ULK4: variants seen among roughly 807,000 people sequenced by gnomAD.
The protein encoded by ULK4 is unc-51 like kinase 4.
In ULK4, 133 loss-of-function variants were observed where a neutral mutation model predicts 160.6. The ratio of observed to expected loss-of-function variants is 0.83; its 90% CI spans 0.72 to 0.96. The LOEUF (loss-of-function observed/expected upper bound fraction) is 0.96. Ranked by LOEUF, ULK4 falls within the 40% of genes least tolerant of loss-of-function variation. The pLI is 0.00. For missense variants in ULK4, 1,580 were observed against 1,499.5 expected (o/e 1.05, Z -0.89); for synonymous variants, 534 against 539.8 (o/e 0.99, Z 0.15).
In ULK4 at chr3:41,264,190, C is replaced by T. The variant is rs146078221; in HGVS notation, c.3679-14616G>A. ...AGGCCTGAAGTGGGAACAGGTGAGG[C>T]AGAGATTTTTTAAAGGTTGCAGAAG... On this transcript the variant is annotated intron_variant, in intron 35 of 36. Transcript: ENST00000301831. Among the ~76,000 whole-genome samples the T allele has an allele frequency of 8.6e-4, 131 of 152,280 alleles. 1 individual carries two copies. The highest frequency in any genetic ancestry group is 3.1e-3 in the African/African-American group (127 of 41,554).
intron 20 of ULK4, among the ~76,000 whole-genome samples, chr3:41,798,747 T>C (rs2040372078): frequency 6.6e-6 from 1 of 151,236 alleles, no homozygotes; most frequent in African/African-American, 2.4e-5. Context: ...TTGTGCGTGT[T>C]GTTGAGGGGG....
chr3:41,256,373 G>A (rs1213342266), intron 35 of ULK4, among the ~76,000 whole-genome samples: 3 of 152,174 alleles, frequency 2.0e-5, no homozygotes, highest in Non-Finnish European at 2.9e-5. Context: ...TGACAATGTG[G>A]TACTGGCAGA....
intron 32 of ULK4, among the ~76,000 whole-genome samples, chr3:41,549,231 A>G (rs2086977395): frequency 6.6e-6 from 1 of 152,206 alleles, no homozygotes; most frequent in African/African-American, 2.4e-5. Context: ...GTGAAAAAGA[A>G]TTGAAACTAA....
At chr3:41,552,725 C>A (rs1490214813) in intron 32 of ULK4, among the ~76,000 whole-genome samples, 12 of 121,318 alleles carry the variant, frequency 9.9e-5, no homozygotes, top group Admixed American at 8.8e-4. Flanking sequence ...CTATTTTTTA[C>A]AGAAATAGAA....
rs562788929 is a variant in ULK4, at chr3:41,932,959, G to T, written c.379-953C>A. ...CTCAGGAGGCTGAGGCACGAGAATC[G>T]CTTGAACCTGGGAGGCAGAGGTTGC... On this transcript the variant is annotated intron_variant, in intron 4 of 36. Transcript: ENST00000301831. Among the ~76,000 whole-genome samples the T allele has an allele frequency of 5.9e-5, 9 of 152,280 alleles. No homozygotes were observed. The East Asian group carries it at 1.7e-3, about 29-fold the overall frequency.
Position 41,387,445 on chromosome 3 carries a change from C to T in ULK4, c.3678+10634G>A, listed in dbSNP as rs138728711. Among the ~76,000 whole-genome samples the T allele has an allele frequency of 6.7e-3, 1,014 of 151,970 alleles. 4 individuals are homozygous for T. Among genetic ancestry groups the T allele is most frequent in the East Asian group, 0.015 (78 of 5,162 alleles). On this transcript the variant is annotated intron_variant, in intron 35 of 36. Transcript: ENST00000301831. Reference sequence around the variant, plus strand: ...TGTGCAGGATAGTTACATATGTATACATGTGCCATGTTGGTGTGCTGCACC... The same window carrying T: ...TGTGCAGGATAGTTACATATGTATATATGTGCCATGTTGGTGTGCTGCACC...
At chr3:41,757,916 C>A (rs1414470532) in intron 21 of ULK4, among the ~76,000 whole-genome samples, 2 of 152,076 alleles carry the variant, frequency 1.3e-5, no homozygotes, top group African/African-American at 4.8e-5. Context: ...CGTGAGCCAC[C>A]ATGCCTGGCC....
chr3:41,719,112 C>T (rs986165242), intron 22 of ULK4, among the ~76,000 whole-genome samples: 1 of 152,202 alleles, frequency 6.6e-6, no homozygotes, highest in African/African-American at 2.4e-5. Context: ...CAACAGCATT[C>T]AATACTGTTG....
chr3:41,373,501 T>C (rs1457179074), intron 35 of ULK4, among the ~76,000 whole-genome samples: 4 of 152,138 alleles, frequency 2.6e-5, no homozygotes, highest in African/African-American at 9.7e-5. Context: ...ACGGCACAAC[T>C]ACGTGGAAGC....
At chr3:41,390,528 A>G (rs2081934014) in intron 35 of ULK4, among the ~76,000 whole-genome samples, 2 of 151,494 alleles carry the variant, frequency 1.3e-5, no homozygotes, top group African/African-American at 4.9e-5. Context: ...CCCTCTACAC[A>G]CTGCTTTGAA....
chr3:41,804,500 G>C (rs2040574809), intron 19 of ULK4, among the ~76,000 whole-genome samples: 1 of 150,688 alleles, frequency 6.6e-6, no homozygotes. Context: ...GATCCCATTT[G>C]TCAATTTTGT....
intron 22 of ULK4, among the ~76,000 whole-genome samples, chr3:41,724,266 C>G (rs1348999557): frequency 2.0e-5 from 3 of 152,180 alleles, no homozygotes; most frequent in Non-Finnish European, 4.4e-5. Context: ...CTAAGCATAA[C>G]TTATGCTGGA....
At chr3:41,250,433 G>T (rs1208016603) in intron 35 of ULK4, among the ~76,000 whole-genome samples, 1 of 152,170 alleles carries the variant, frequency 6.6e-6, no homozygotes, top group Non-Finnish European at 1.5e-5. Flanking sequence ...CTTCTCAACA[G>T]CCTACCTTAC....
At chr3:41,537,156 C>T (rs549098853) in intron 32 of ULK4, among the ~76,000 whole-genome samples, 64 of 151,740 alleles carry the variant, frequency 4.2e-4, no homozygotes, top group Admixed American at 1.6e-3. Context: ...CTGAATCTGT[C>T]CACGATTCGT....
chr3:41,552,871 A>T (rs1293658409), intron 32 of ULK4, among the ~76,000 whole-genome samples: 3 of 152,096 alleles, frequency 2.0e-5, no homozygotes. Context: ...AGGCTATGTA[A>T]CCAAAACAAC....
intron 31 of ULK4, among the ~76,000 whole-genome samples, chr3:41,589,306 G>T (rs979993146): frequency 6.6e-6 from 1 of 151,804 alleles, no homozygotes; most frequent in Non-Finnish European, 1.5e-5. Flanking sequence ...GTTTGAGGTG[G>T]TAGAATTCCA....
At chr3:41,432,120 T>C (rs979713062) in intron 34 of ULK4, among the ~76,000 whole-genome samples, 1 of 152,164 alleles carries the variant, frequency 6.6e-6, no homozygotes, top group Non-Finnish European at 1.5e-5. Context: ...TGATTATCCC[T>C]GTTGAAAACA....
In ULK4 at chr3:41,256,372, G is replaced by A. The variant is rs150033353; in HGVS notation, c.3679-6798C>T. ...ATGATTCCAGCAACCATGACAATGT[G>A]GTACTGGCAGAAGGTCAGACACACA... is the stretch of plus-strand genomic sequence containing the variant. On this transcript the variant is annotated intron_variant, in intron 35 of 36. Transcript: ENST00000301831. Among the ~76,000 whole-genome samples, 198 of 152,282 alleles carry A rather than the reference G, an allele frequency of 1.3e-3. 1 individual carries two copies. Among genetic ancestry groups the A allele is most frequent in the African/African-American group, 4.4e-3 (181 of 41,562 alleles).
chr3:41,528,663 C>T (rs2086198698), intron 32 of ULK4, among the ~76,000 whole-genome samples: 2 of 152,126 alleles, frequency 1.3e-5, no homozygotes, highest in African/African-American at 4.8e-5. Context: ...TGCTTTGTAG[C>T]ACTATAAGCC....
Sources: allele counts gnomAD v4.1 joint callset (sites outside exome capture counted in the v4.1 genomes callset), GRCh38; gene constraint gnomAD v4.1.1; transcripts MANE v1.5; gene names NCBI Gene and HGNC (gene_info 2026-07-23, HGNC 2026-07-21).